Variants in DOCK1 observed in about 807,000 individuals in gnomAD.
DOCK1 encodes dedicator of cytokinesis protein 1.
Under a neutral mutation model 262.7 loss-of-function variants are expected in DOCK1, and 138 were observed. The ratio of observed to expected loss-of-function variants is 0.53; its 90% CI spans 0.46 to 0.61. The LOEUF (loss-of-function observed/expected upper bound fraction) is 0.61. Among genes scored for constraint, DOCK1 ranks in the 20% least tolerant of loss-of-function variants. The probability of loss-of-function intolerance (pLI) is 0.00; values close to 1 mark genes in which losing one functional copy is unlikely to be tolerated. For missense variants in DOCK1, 1,908 were observed against 2,370.7 expected (o/e 0.80, Z 4.05); for synonymous variants, 866 against 867.4 (o/e 1.00, Z 0.03).
rs555552846 is a variant in DOCK1, at chr10:127,190,390, A to G, written c.2848-57618A>G. On this transcript the variant is annotated intron_variant, in intron 27 of 51. Coordinates refer to ENST00000623213, the MANE Select transcript of DOCK1 (RefSeq NM_001290223.2). ...TTACAAGTGGAAATGGAAGAAAACA[A>G]TTCTTTCCCAATCAGGATTCCCTGA... 4.6e-5 allele frequency among the ~76,000 whole-genome samples: 7 copies of G among 152,320 alleles called. No individual in the cohort carries two copies. In the South Asian group the frequency reaches 1.2e-3, roughly 27 times the overall value.
At chr10:127,432,021 G>A (rs2069325369) in intron 47 of DOCK1, among the ~76,000 whole-genome samples, 1 of 152,172 alleles carries the variant, frequency 6.6e-6, no homozygotes, top group African/African-American at 2.4e-5. Context: ...AACTGTGCAT[G>A]TGAGGGATCT....
At chr10:127,369,533 G>GA (rs2065097903) in intron 33 of DOCK1, among the ~76,000 whole-genome samples, 1 of 152,218 alleles carries the variant, frequency 6.6e-6, no homozygotes, top group Admixed American at 6.5e-5. Context: ...CATGTTCCCA[G>GA]AGTCCTCTGG....
chr10:126,983,412 G>A (rs933613717), intron 4 of DOCK1, among the ~76,000 whole-genome samples: 1 of 152,056 alleles, frequency 6.6e-6, no homozygotes, highest in Non-Finnish European at 1.5e-5. Context: ...TGTGGGCCAC[G>A]CTTTCATCCC....
chr10:127,180,877 A>G (rs1447535220), intron 27 of DOCK1, among the ~76,000 whole-genome samples: 1 of 152,238 alleles, frequency 6.6e-6, no homozygotes, highest in African/African-American at 2.4e-5. Context: ...AAAAACGGTC[A>G]TCGTTGTGGT....
At chr10:126,927,764 A>G (rs1198244564) in intron 1 of DOCK1, among the ~76,000 whole-genome samples, 7 of 152,146 alleles carry the variant, frequency 4.6e-5, no homozygotes, top group African/African-American at 1.7e-4. Context: ...GTGTTCATTC[A>G]GTAGACGCGT....
At chr10:127,247,419 G>A (rs181929814) in intron 27 of DOCK1, among the ~76,000 whole-genome samples, 2 of 152,192 alleles carry the variant, frequency 1.3e-5, no homozygotes, top group East Asian at 3.9e-4. Flanking sequence ...ATCGGGCACA[G>A]GGGGATACAG....
intron 29 of DOCK1, among the ~76,000 whole-genome samples, chr10:127,259,210 C>T (rs1201289269): frequency 6.6e-6 from 1 of 152,192 alleles, no homozygotes; most frequent in African/African-American, 2.4e-5. Flanking sequence ...TTGACCTCTG[C>T]TCCTCCTCAC....
intron 43 of DOCK1, among the ~76,000 whole-genome samples, chr10:127,411,669 T>C (rs927713221): frequency 2.6e-5 from 4 of 151,990 alleles, no homozygotes; most frequent in Admixed American, 1.3e-4. Flanking sequence ...GGTAAAACAC[T>C]GTCTCTACTA....
chr10:127,450,587 GGT>G (rs1469827778), intron 51 of DOCK1, among the ~76,000 whole-genome samples: 1 of 152,124 alleles, frequency 6.6e-6, no homozygotes, highest in Non-Finnish European at 1.5e-5. Flanking sequence ...CTGCACATCA[GGT>G]GTGTGTGATG....
In DOCK1 at chr10:127,362,222, T is replaced by C. The variant is rs765907581; in HGVS notation, c.3432+10T>C. On this transcript the variant is annotated intron_variant, in intron 33 of 51. Coordinates refer to ENST00000623213, the MANE Select transcript of DOCK1 (RefSeq NM_001290223.2). ...CCGAAGCTTCCAAATGGTAAGGACG[T>C]AGATGTGCAGCGAGTGGCCGGGGGA... The C allele has an allele frequency of 4.3e-5, 70 of 1,610,680 alleles. No individual in the cohort carries two copies. Among genetic ancestry groups the C allele is most frequent in the Non-Finnish European group, 5.8e-5 (68 of 1,178,640 alleles).
At chr10:127,039,543 G>A (rs1038939641) in intron 19 of DOCK1, among the ~76,000 whole-genome samples, 4 of 152,072 alleles carry the variant, frequency 2.6e-5, no homozygotes, top group Non-Finnish European at 5.9e-5. Flanking sequence ...CTGGTACCAC[G>A]CAAGCCTGGG....
intron 36 of DOCK1, 127 bp downstream of exon 36, chr10:127,380,249 G>A: frequency 2.7e-6 from 2 of 732,266 alleles, no homozygotes; most frequent in South Asian, 2.3e-5. Context: ...AAACGTATAA[G>A]GTAGAGTTTG....
intron 29 of DOCK1, among the ~76,000 whole-genome samples, chr10:127,300,539 A>G (rs1590340028): frequency 6.6e-6 from 1 of 152,362 alleles, no homozygotes; most frequent in East Asian, 1.9e-4. Context: ...GGCCACAAAA[A>G]TAGAAAAGAG....
intron 45 of DOCK1, among the ~76,000 whole-genome samples, chr10:127,419,211 CAG>C (rs762618875): frequency 1.3e-5 from 2 of 152,198 alleles, no homozygotes; most frequent in Non-Finnish European, 2.9e-5. Flanking sequence ...CTGATCTAGA[CAG>C]AGCAAAAACT....
chr10:127,299,840 GC>G (rs1237401979), intron 29 of DOCK1, among the ~76,000 whole-genome samples: 13 of 152,170 alleles, frequency 8.5e-5, no homozygotes, highest in African/African-American at 3.1e-4. Flanking sequence ...AGCTGTTGGA[GC>G]CCATTCTTGC....
chr10:127,186,620 C>G (rs566353651), intron 27 of DOCK1, among the ~76,000 whole-genome samples: 1 of 149,838 alleles, frequency 6.7e-6, no homozygotes, highest in Admixed American at 6.7e-5. Flanking sequence ...AGAGCCAAAC[C>G]GTATCAGAGG....
At chr10:127,101,657 C>T (rs984807168) in intron 23 of DOCK1, among the ~76,000 whole-genome samples, 4 of 152,208 alleles carry the variant, frequency 2.6e-5, no homozygotes, top group Non-Finnish European at 5.9e-5. Context: ...CCCCGCTTGG[C>T]GGTCTGTCGG....
At chr10:126,987,256 T>C (rs576296542) in intron 4 of DOCK1, among the ~76,000 whole-genome samples, 1 of 152,346 alleles carries the variant, frequency 6.6e-6, no homozygotes, top group South Asian at 2.1e-4. Context: ...TGGAATATTA[T>C]TTGCCTCTTT....
At chr10:127,024,873 C>A in intron 15 of DOCK1, 90 bp downstream of exon 15, 2 of 1,151,164 alleles carry the variant, frequency 1.7e-6, no homozygotes, top group Non-Finnish European at 2.4e-6. Flanking sequence ...CCTCCTCAGC[C>A]CGGGAGCTGC....
Sources: allele counts gnomAD v4.1 joint callset (sites outside exome capture counted in the v4.1 genomes callset), GRCh38; gene constraint gnomAD v4.1.1; transcripts MANE v1.5; gene names NCBI Gene and HGNC (gene_info 2026-07-23, HGNC 2026-07-21).